GRM8: variants seen among roughly 807,000 people sequenced by gnomAD.
The protein encoded by GRM8 is metabotropic glutamate receptor 8.
Under a neutral mutation model 87.2 loss-of-function variants are expected in GRM8, and 47 were observed. The observed-to-expected ratio is 0.54, with a 90% CI of 0.43 to 0.69. The LOEUF is 0.69. Among genes scored for constraint, GRM8 ranks in the 30% least tolerant of loss-of-function variants. GRM8 has a pLI of 0.00. For synonymous variants in GRM8, 396 were observed against 404.5 expected, an observed-to-expected ratio of 0.98 and a Z score of 0.25; for missense variants, 1,019 against 1,139.2, an observed-to-expected ratio of 0.89 and a Z score of 1.52.
intron 8 of GRM8, among the ~76,000 whole-genome samples, chr7:126,590,329 A>G (rs933577044): frequency 6.6e-6 from 1 of 151,994 alleles, no homozygotes; most frequent in African/African-American, 2.4e-5. Context: ...CAACAAAGAC[A>G]AAGAAAAAAA....
chr7:127,015,181 GAAGAAGAAGAAGAAGAAGA>G (rs1815465468), intron 3 of GRM8, among the ~76,000 whole-genome samples: 1 of 38,180 alleles, frequency 2.6e-5, no homozygotes, highest in African/African-American at 9.9e-5. Context: ...AGAAGGAGAA[GAAGAAGAAGAAGAAGAAGA>G]AGAAGAAGAA....
At chr7:127,142,431 G>C (rs1252661363) in intron 2 of GRM8, among the ~76,000 whole-genome samples, 1 of 152,116 alleles carries the variant, frequency 6.6e-6, no homozygotes, top group Admixed American at 6.6e-5. Context: ...TACACACAAA[G>C]CCAATTTCTC....
rs1417574002 is a variant in GRM8, at chr7:126,769,736, T to A, written c.1357+129A>T. 1.1e-5 allele frequency: 7 copies of A among 629,034 alleles called. No individual in the cohort carries two copies. The East Asian group carries it at 1.6e-4, about 15-fold the overall frequency. The allele number at this position is 629,034 out of a possible 1,614,324, so 39.0% of individuals were successfully genotyped here. The stretch of plus-strand genomic sequence containing the variant: ...CAAAAGCAGGTGGAAAAACTCACAC[T>A]TCTAATCAAAGAAGAGAACTGCTTC... On this transcript the variant is annotated intron_variant, in intron 7 of 10. Transcript: ENST00000339582.
intron 7 of GRM8, among the ~76,000 whole-genome samples, chr7:126,644,679 A>G (rs1339070144): frequency 6.6e-6 from 1 of 152,214 alleles, no homozygotes; most frequent in Non-Finnish European, 1.5e-5. Context: ...TAATTCCCAC[A>G]GTGGGGAAAG....
chr7:126,543,051 A>G, intron 8 of GRM8, among the ~76,000 whole-genome samples: 1 of 152,214 alleles, frequency 6.6e-6, no homozygotes, highest in East Asian at 1.9e-4. Flanking sequence ...CTGCATACAT[A>G]AATCCAATAA....
chr7:126,545,689 T>G (rs1261783709), intron 8 of GRM8, among the ~76,000 whole-genome samples: 1 of 152,188 alleles, frequency 6.6e-6, no homozygotes, highest in Non-Finnish European at 1.5e-5. Context: ...TGAATCTATA[T>G]GGTCAGTACT....
chr7:126,614,075 C>T (rs569272341), intron 7 of GRM8, among the ~76,000 whole-genome samples: 9 of 152,298 alleles, frequency 5.9e-5, no homozygotes, highest in African/African-American at 2.2e-4. Flanking sequence ...GGACAGACTG[C>T]CTTCTCAAGT....
chr7:127,016,696 AATGT>A (rs1815708759), intron 3 of GRM8, among the ~76,000 whole-genome samples: 2 of 152,100 alleles, frequency 1.3e-5, no homozygotes, highest in Non-Finnish European at 2.9e-5. Flanking sequence ...TAACTAGGGT[AATGT>A]ATGATGTGTT....
At position 127,160,189 on chromosome 7, in the gene GRM8, C is replaced by T. The variant is rs1027598120; in HGVS notation, c.511-53477G>A. Among the ~76,000 whole-genome samples the T allele has an allele frequency of 2.6e-5, 4 of 152,082 alleles. No individual in the cohort carries two copies. The South Asian group carries it at 8.3e-4, about 32-fold the overall frequency. On this transcript the variant is annotated intron_variant, in intron 2 of 10. Transcript: ENST00000339582. ...AGATTAAACCCCAGCCACCAATATACACTCTGAGGTCTTTATAACCCCTCC... is the reference window on the plus strand; with the variant it reads ...AGATTAAACCCCAGCCACCAATATATACTCTGAGGTCTTTATAACCCCTCC...
intron 9 of GRM8, among the ~76,000 whole-genome samples, chr7:126,451,327 C>G (rs11767749): frequency 0.17 from 25,603 of 151,626 alleles, 2,466 homozygotes; most frequent in East Asian, 0.23. Context: ...TTGAAATTGT[C>G]TTTTACTCCT....
At chr7:126,702,342 AAC>A (rs147492469) in intron 7 of GRM8, among the ~76,000 whole-genome samples, 18,154 of 152,210 alleles carry the variant, frequency 0.12, 1,466 homozygotes, top group Non-Finnish European at 0.15. Context: ...CATCTGTTTC[AAC>A]CTCATTTTGC....
intron 2 of GRM8, 31 bp downstream of exon 2, chr7:127,242,664 C>T (rs897688035): frequency 6.3e-7 from 1 of 1,586,484 alleles, no homozygotes; most frequent in Non-Finnish European, 8.6e-7. Flanking sequence ...TGTTCTTTCA[C>T]AATGGTCAGA....
chr7:126,991,394 T>A (rs1352536813), intron 3 of GRM8, among the ~76,000 whole-genome samples: 7 of 152,190 alleles, frequency 4.6e-5, no homozygotes, highest in African/African-American at 1.7e-4. Flanking sequence ...ACAAGGCCAG[T>A]AAAAGACTGT....
chr7:126,806,038 A>G (rs926126170), intron 6 of GRM8, among the ~76,000 whole-genome samples: 2 of 152,142 alleles, frequency 1.3e-5, no homozygotes, highest in Admixed American at 6.5e-5. Flanking sequence ...TGTTCAGCCT[A>G]CTGTGTCCAG....
At chr7:126,640,782 G>C (rs73226907) in intron 7 of GRM8, among the ~76,000 whole-genome samples, 46,612 of 151,460 alleles carry the variant, frequency 0.31, 8,026 homozygotes, top group East Asian at 0.43. Flanking sequence ...CTCTCTCCCT[G>C]TCTCCTGATT....
Position 126,826,290 on chromosome 7 carries a change from C to T in GRM8, c.1157-56225G>A, listed in dbSNP as rs554674542. Among the ~76,000 whole-genome samples the T allele has an allele frequency of 1.6e-3, 241 of 152,242 alleles. 2 individuals carry two copies. The highest frequency in any genetic ancestry group is 4.8e-3 in the African/African-American group (198 of 41,548). On this transcript the variant is annotated intron_variant, in intron 6 of 10. Transcript: ENST00000339582. The stretch of plus-strand genomic sequence containing the variant: ...TTCTAGTTCTAGATCCCTGAGGAAT[C>T]GCCACACTGACTTCCACAATGGTTG...
rs569958920 is a variant in GRM8 at position 126,692,570 on chromosome 7, T to C, written c.1357+77295A>G. Among the ~76,000 whole-genome samples the C allele has an allele frequency of 1.1e-4, 17 of 152,320 alleles. No individual in the cohort carries two copies. In the Middle Eastern group the frequency reaches 0.01, roughly 91 times the overall value. On this transcript the variant is annotated intron_variant, in intron 7 of 10. Coordinates refer to ENST00000339582, the MANE Select transcript of GRM8 (RefSeq NM_000845.3). ...TGTTCAATATGCCATCCTGGGAAGA[T>C]TGAATTCTTGCAGCAGCACATAATG...
intron 2 of GRM8, among the ~76,000 whole-genome samples, chr7:127,170,286 T>A (rs986282958): frequency 6.6e-6 from 1 of 152,036 alleles, no homozygotes. Context: ...AAAACCATAA[T>A]GTGACACCAA....
chr7:126,642,726 T>C (rs947929106), intron 7 of GRM8, among the ~76,000 whole-genome samples: 1 of 152,032 alleles, frequency 6.6e-6, no homozygotes, highest in African/African-American at 2.4e-5. Flanking sequence ...ACGATAGAGA[T>C]AGAGTTGAAG....
Sources: allele counts gnomAD v4.1 joint callset (sites outside exome capture counted in the v4.1 genomes callset), GRCh38; gene constraint gnomAD v4.1.1; transcripts MANE v1.5; gene names NCBI Gene and HGNC (gene_info 2026-07-23, HGNC 2026-07-21).